CNTNAP2: variants seen among roughly 807,000 people sequenced by gnomAD.
CNTNAP2 encodes contactin associated protein 2.
A neutral mutation model predicts 155.2 loss-of-function variants in CNTNAP2; 98 were observed. The ratio of observed to expected loss-of-function variants is 0.63; its 90% CI spans 0.54 to 0.75. The LOEUF (loss-of-function observed/expected upper bound fraction) is 0.75, where lower values mean the gene tolerates loss of function less well. Ranked by LOEUF, CNTNAP2 falls within the 30% of genes least tolerant of loss-of-function variation. CNTNAP2 has a pLI of 0.00. For missense variants in CNTNAP2, 1,727 were observed against 1,688.1 expected (o/e 1.02, Z -0.40); for synonymous variants, 651 against 631.2 (o/e 1.03, Z -0.47).
rs144315401 is a variant in CNTNAP2 at position 147,617,398 on chromosome 7, T to A, written c.1898-21708T>A. On this transcript the variant is annotated intron_variant, in intron 12 of 23. Coordinates refer to ENST00000361727, the MANE Select transcript of CNTNAP2 (RefSeq NM_014141.6). ...TTGTGTCCCCAGAGCCTGGCACTAC[T>A]GGACCAGATCAGGAACTTAATAAAT... 4.6e-5 allele frequency among the ~76,000 whole-genome samples: 7 copies of A among 152,348 alleles called. No individual in the cohort carries two copies. In the East Asian group the frequency reaches 1.3e-3, roughly 29 times the overall value.
At chr7:147,092,966 T>C (rs1800441464) in intron 4 of CNTNAP2, among the ~76,000 whole-genome samples, 1 of 152,082 alleles carries the variant, frequency 6.6e-6, no homozygotes, top group Non-Finnish European at 1.5e-5. Flanking sequence ...CTCACGCCTG[T>C]AATCCCAGCA....
At chr7:146,888,496 T>G (rs1436486610) in intron 3 of CNTNAP2, among the ~76,000 whole-genome samples, 1 of 152,148 alleles carries the variant, frequency 6.6e-6, no homozygotes, top group Non-Finnish European at 1.5e-5. Flanking sequence ...AAATTTAAAT[T>G]TAACTATATT....
chr7:147,493,733 C>T (rs2141389), intron 11 of CNTNAP2, among the ~76,000 whole-genome samples: 43,570 of 151,976 alleles, frequency 0.29, 6,392 homozygotes, highest in East Asian at 0.43. Context: ...GCATTTTTCA[C>T]GCTTACAAAA....
At chr7:146,451,161 C>T (rs1193391713) in intron 1 of CNTNAP2, among the ~76,000 whole-genome samples, 2 of 152,012 alleles carry the variant, frequency 1.3e-5, no homozygotes, top group Non-Finnish European at 2.9e-5. Context: ...TTAGCCATGA[C>T]GGTCTGGATC....
intron 4 of CNTNAP2, among the ~76,000 whole-genome samples, chr7:147,067,541 T>C (rs1343204458): frequency 6.6e-6 from 1 of 152,142 alleles, no homozygotes; most frequent in Non-Finnish European, 1.5e-5. Context: ...TGCTATAATA[T>C]TTACAATGTA....
intron 1 of CNTNAP2, among the ~76,000 whole-genome samples, chr7:146,624,449 T>G (rs1270725412): frequency 6.7e-6 from 1 of 149,212 alleles, no homozygotes; most frequent in Non-Finnish European, 1.5e-5. Context: ...TTTATTTTAA[T>G]ATGTGAATGC....
At chr7:147,765,321 A>C (rs758292668) in intron 13 of CNTNAP2, among the ~76,000 whole-genome samples, 13 of 152,202 alleles carry the variant, frequency 8.5e-5, no homozygotes, top group Non-Finnish European at 1.6e-4. Context: ...ACCAGTGCCC[A>C]TCTAGAAGAC....
chr7:148,263,644 G>A (rs1796602353), intron 20 of CNTNAP2, among the ~76,000 whole-genome samples: 1 of 151,776 alleles, frequency 6.6e-6, no homozygotes, highest in Non-Finnish European at 1.5e-5. Flanking sequence ...GGCTGAGGCA[G>A]GAGAATGGCG....
At chr7:146,906,243 C>T (rs1796122799) in intron 3 of CNTNAP2, among the ~76,000 whole-genome samples, 1 of 152,204 alleles carries the variant, frequency 6.6e-6, no homozygotes. Context: ...CCGCCATTGC[C>T]CAGGCTTGCT....
At chr7:147,998,144 C>T (rs1801840223) in intron 15 of CNTNAP2, among the ~76,000 whole-genome samples, 2 of 140,754 alleles carry the variant, frequency 1.4e-5, no homozygotes, top group South Asian at 4.5e-4. Context: ...CGGAGTCTCA[C>T]CCTGCTGCCC....
At chr7:148,249,663 C>T (rs988382670) in intron 20 of CNTNAP2, among the ~76,000 whole-genome samples, 1 of 152,188 alleles carries the variant, frequency 6.6e-6, no homozygotes, top group African/African-American at 2.4e-5. Context: ...ACCTGCCCTG[C>T]TTATAGCCTT....
intron 19 of CNTNAP2, among the ~76,000 whole-genome samples, 167 bp from the exon 20 acceptor site, chr7:148,229,479 C>T (rs1341368256): frequency 1.3e-5 from 2 of 151,700 alleles, no homozygotes; most frequent in Non-Finnish European, 2.9e-5. Context: ...GAGCCAAGAT[C>T]GCACCATTGC....
intron 1 of CNTNAP2, among the ~76,000 whole-genome samples, chr7:146,598,763 T>G (rs1051896067): frequency 6.6e-6 from 1 of 152,040 alleles, no homozygotes; most frequent in Non-Finnish European, 1.5e-5. Flanking sequence ...GTGATCTCAC[T>G]CAGCATCATG....
intron 12 of CNTNAP2, among the ~76,000 whole-genome samples, chr7:147,574,650 G>T (rs867362983): frequency 8.6e-5 from 13 of 151,998 alleles, no homozygotes; most frequent in Admixed American, 3.9e-4. Context: ...TTTCCTGGAG[G>T]TTTCTGATCT....
chr7:148,032,827 A>T (rs1802503798), intron 15 of CNTNAP2, among the ~76,000 whole-genome samples: 1 of 152,090 alleles, frequency 6.6e-6, no homozygotes, highest in South Asian at 2.1e-4. Context: ...GTTCTGAGAA[A>T]TTCCCCCTCA....
intron 9 of CNTNAP2, among the ~76,000 whole-genome samples, chr7:147,349,323 G>A (rs147006426): frequency 6.6e-6 from 1 of 151,916 alleles, no homozygotes; most frequent in Non-Finnish European, 1.5e-5. Flanking sequence ...GATACTATTA[G>A]CAGCTTAAAT....
rs150314721 is a variant in CNTNAP2, at chr7:147,172,123, G to A, written c.1348+39614G>A. 4.7e-3 allele frequency among the ~76,000 whole-genome samples: 718 copies of A among 151,992 alleles called. 4 individuals carry two copies. The highest frequency in any genetic ancestry group is 0.015 in the African/African-American group (641 of 41,472). On this transcript the variant is annotated intron_variant, in intron 8 of 23. Transcript: ENST00000361727. ...TTTCTTAATGATGATATTCTCAGTC[G>A]GTGATTTTGAAGATAAGCAGATTTC...
chr7:146,231,748 A>G (rs1799389561), intron 1 of CNTNAP2, among the ~76,000 whole-genome samples: 1 of 152,180 alleles, frequency 6.6e-6, no homozygotes, highest in South Asian at 2.1e-4. Context: ...TGCATCCGGG[A>G]ATAGGGTGAG....
chr7:147,788,715 G>A (rs1052808323), intron 13 of CNTNAP2, among the ~76,000 whole-genome samples: 3 of 151,678 alleles, frequency 2.0e-5, no homozygotes, highest in Non-Finnish European at 2.9e-5. Flanking sequence ...TCAGCATCTC[G>A]ATACTGGCAT....
Sources: gnomAD v4.1 joint callset for allele counts (sites outside exome capture counted in the v4.1 genomes callset) on GRCh38, gnomAD v4.1.1 for gene constraint, MANE v1.5 for transcripts, NCBI Gene and HGNC (gene_info 2026-07-23, HGNC 2026-07-21) for gene names.